The following MARCHF1 variants were observed in gnomAD, a reference collection of about 807,000 sequenced individuals.
The protein encoded by MARCHF1 is E3 ubiquitin-protein ligase MARCHF1.
Under a neutral mutation model 54.2 loss-of-function variants are expected in MARCHF1, and 40 were observed. The observed-to-expected ratio is 0.74, with a 90% CI of 0.57 to 0.96. MARCHF1 has a LOEUF of 0.96. Ranked by LOEUF, MARCHF1 falls within the 40% of genes least tolerant of loss-of-function variation. MARCHF1 has a pLI of 0.00. For synonymous variants in MARCHF1, 236 were observed against 236.3 expected (o/e 1.00, Z 0.01); for missense variants, 586 against 656.5 (o/e 0.89, Z 1.17).
intron 4 of MARCHF1, among the ~76,000 whole-genome samples, chr4:163,830,359 A>G (rs1279754712): frequency 1.3e-5 from 2 of 151,926 alleles, no homozygotes; most frequent in African/African-American, 4.8e-5. Flanking sequence ...TATCAGCACA[A>G]TCATAGTACA....
chr4:164,020,302 A>G (rs567344683), intron 2 of MARCHF1, among the ~76,000 whole-genome samples: 42 of 152,188 alleles, frequency 2.8e-4, no homozygotes, highest in Non-Finnish European at 5.1e-4. Context: ...TTATACCAAG[A>G]AAAAGGAATT....
intron 2 of MARCHF1, among the ~76,000 whole-genome samples, chr4:164,018,817 A>G (rs539953486): frequency 6.6e-6 from 1 of 152,314 alleles, no homozygotes; most frequent in Admixed American, 6.5e-5. Flanking sequence ...GTGGTTTTCA[A>G]GTCAATAATT....
intron 1 of MARCHF1, among the ~76,000 whole-genome samples, chr4:164,233,944 AC>A (rs1397903247): frequency 1.3e-5 from 2 of 152,214 alleles, no homozygotes; most frequent in East Asian, 3.8e-4. Flanking sequence ...AGTTTTTCTT[AC>A]AATTTAGATG....
At chr4:163,863,089 C>T (rs1290104180) in intron 3 of MARCHF1, among the ~76,000 whole-genome samples, 1 of 151,988 alleles carries the variant, frequency 6.6e-6, no homozygotes, top group African/African-American at 2.4e-5. Flanking sequence ...GTGGATATGT[C>T]ATCCTAAGCA....
intron 7 of MARCHF1, among the ~76,000 whole-genome samples, chr4:163,608,388 T>C (rs998052265): frequency 3.9e-5 from 6 of 152,006 alleles, no homozygotes; most frequent in African/African-American, 7.2e-5. Flanking sequence ...GAAAAGGTCA[T>C]AGTTAATGAT....
At chr4:163,529,134 G>A (rs889394894) in intron 9 of MARCHF1, 88 bp from the exon 10 acceptor site, 35 of 919,124 alleles carry the variant, frequency 3.8e-5, no homozygotes, top group Admixed American at 1.1e-4. Flanking sequence ...TCAAAAGCCC[G>A]TGCTTGCCTT....
chr4:164,346,684 A>G (rs2110865739), intron 1 of MARCHF1, among the ~76,000 whole-genome samples: 1 of 113,830 alleles, frequency 8.8e-6, no homozygotes, highest in African/African-American at 3.0e-5. Flanking sequence ...ATATGCTTTT[A>G]TAAGCACTAA....
chr4:164,190,388 C>A, intron 1 of MARCHF1: 3 of 491,810 alleles, frequency 6.1e-6, no homozygotes, highest in Admixed American at 3.8e-5. Flanking sequence ...CAGGAACTTT[C>A]CTTAGAAAAA....
intron 1 of MARCHF1, among the ~76,000 whole-genome samples, chr4:164,365,817 T>C (rs1241236214): frequency 6.6e-6 from 1 of 152,040 alleles, no homozygotes; most frequent in Non-Finnish European, 1.5e-5. Flanking sequence ...AACCTTTCTA[T>C]ATAAACAAGT....
At chr4:164,194,735 T>C (rs1731208241) in intron 1 of MARCHF1, among the ~76,000 whole-genome samples, 1 of 152,098 alleles carries the variant, frequency 6.6e-6, no homozygotes, top group Admixed American at 6.6e-5. Flanking sequence ...ACATTCAAAA[T>C]TTTAATATTT....
intron 4 of MARCHF1, among the ~76,000 whole-genome samples, chr4:163,838,294 A>G (rs1055118465): frequency 3.3e-5 from 5 of 152,104 alleles, no homozygotes; most frequent in African/African-American, 9.6e-5. Flanking sequence ...TCATCTCTAG[A>G]TTAATTATAG....
At chr4:163,711,572 G>A (rs1454911392) in intron 4 of MARCHF1, among the ~76,000 whole-genome samples, 1 of 152,124 alleles carries the variant, frequency 6.6e-6, no homozygotes. Flanking sequence ...ATGGAAGAGG[G>A]TGAGTTTAGA....
chr4:163,766,160 A>G (rs951061559), intron 4 of MARCHF1, among the ~76,000 whole-genome samples: 1 of 151,970 alleles, frequency 6.6e-6, no homozygotes, highest in Non-Finnish European at 1.5e-5. Flanking sequence ...ACAGAAGATG[A>G]TATTTTTACG....
At chr4:163,722,225 C>T (rs6822353) in intron 4 of MARCHF1, among the ~76,000 whole-genome samples, 134,765 of 151,612 alleles carry the variant, frequency 0.89, 60,009 homozygotes, top group Non-Finnish European at 0.92. Flanking sequence ...TTCTGGTATG[C>T]TGTGTCTTTG....
chr4:163,715,654 T>G (rs1240150388), intron 4 of MARCHF1, among the ~76,000 whole-genome samples: 1 of 152,148 alleles, frequency 6.6e-6, no homozygotes, highest in African/African-American at 2.4e-5. Context: ...ATCCAATATA[T>G]GTACATACTA....
intron 1 of MARCHF1, among the ~76,000 whole-genome samples, chr4:164,272,757 AC>A (rs1479377089): frequency 1.3e-5 from 2 of 151,932 alleles, no homozygotes; most frequent in African/African-American, 4.8e-5. Flanking sequence ...TCTTATAGCT[AC>A]ATTATATATT....
intron 2 of MARCHF1, among the ~76,000 whole-genome samples, chr4:164,097,631 A>C (rs2111147726): frequency 6.6e-6 from 1 of 152,184 alleles, no homozygotes; most frequent in Non-Finnish European, 1.5e-5. Flanking sequence ...ATATGTATTA[A>C]AAATATTAAC....
chr4:164,284,792 T>C (rs1465961091), intron 1 of MARCHF1, among the ~76,000 whole-genome samples: 2 of 151,038 alleles, frequency 1.3e-5, no homozygotes, highest in Admixed American at 6.7e-5. Context: ...CATTGAGAAG[T>C]AGCAAGCAGT....
chr4:164,287,584 A>G (rs1734183769), intron 1 of MARCHF1, among the ~76,000 whole-genome samples: 1 of 152,120 alleles, frequency 6.6e-6, no homozygotes, highest in Admixed American at 6.6e-5. Flanking sequence ...TAGGATTTAA[A>G]TGAAAAGTAA....
Sources: allele counts gnomAD v4.1 joint callset (sites outside exome capture counted in the v4.1 genomes callset), GRCh38; gene constraint gnomAD v4.1.1; transcripts MANE v1.5; gene names NCBI Gene and HGNC (gene_info 2026-07-23, HGNC 2026-07-21).